CTSB: variants seen among roughly 807,000 people sequenced by gnomAD.
The protein encoded by CTSB is cathepsin B, also known as APP secretase.
Under a neutral mutation model 44.3 loss-of-function variants are expected in CTSB, and 57 were observed. The ratio of observed to expected loss-of-function variants is 1.29; its 90% confidence interval spans 1.04 to 1.60. The LOEUF is 1.60. Among genes scored for constraint, CTSB ranks in the 40% most tolerant of loss-of-function variants. The pLI, the probability that CTSB is intolerant of heterozygous loss-of-function variation, is 0.00. For synonymous variants in CTSB, 320 were observed against 168.0 expected, an observed-to-expected ratio of 1.91 and a Z score of -7.00; for missense variants, 768 against 443.0, an observed-to-expected ratio of 1.73 and a Z score of -6.59.
At chr8:11,852,794 C>G (rs1006608347) in intron 2 of CTSB, 99 bp from the exon 3 acceptor site, 226 of 1,060,792 alleles carry the variant, frequency 2.1e-4, no homozygotes, top group Middle Eastern at 6.1e-4. Flanking sequence ...AACCAGAGAC[C>G]CTACCCAATT....
intron 1 of CTSB, among the ~76,000 whole-genome samples, chr8:11,857,215 G>A (rs756566344): frequency 2.6e-5 from 4 of 152,100 alleles, no homozygotes; most frequent in South Asian, 2.1e-4. Context: ...TCCGTGTTTC[G>A]TTATGTTGGC....
chr8:11,850,606 C>T, intron 4 of CTSB: 1 of 332,086 alleles, frequency 3.0e-6, no homozygotes, highest in East Asian at 4.9e-5. Context: ...GACGGGCCAG[C>T]ATGTCAGGGA....
rs577703408 is a variant in CTSB, at chr8:11,847,101, G to A, written c.744C>T (p.Pro248=). Residue 248 remains proline (P), a synonymous_variant, in exon 8 of 10, where the codon CCC becomes CCT. Transcript: ENST00000353047. ...DIMAEIYKNG[P]VEGAFSVYSD... The stretch of plus-strand genomic sequence containing the variant: ...AATACACAGAGAAAGCTCCCTCCAC[G>A]GGGCCGTTTTTGTAGATCTCGGCCA... The A allele has an allele frequency of 3.9e-5, 63 of 1,604,238 alleles. No individual in the cohort carries two copies. Among genetic ancestry groups the A allele is most frequent in the Admixed American group, 2.5e-4 (15 of 59,682 alleles).
At position 11,850,322 on chromosome 8, in the gene CTSB, G is replaced by C. The variant is rs769098243; in HGVS notation, c.327+544C>G. 2.8e-4 allele frequency among the ~76,000 whole-genome samples: 42 copies of C among 150,280 alleles called. 1 individual carries two copies. Among genetic ancestry groups the C allele is most frequent in the Non-Finnish European group, 5.9e-4 (40 of 67,776 alleles). ...TAGTCTTAGCTACTGGGGAGACTGA[G>C]GCAGGAGAATTGCTTGAACCCAGGA... On this transcript the variant is annotated intron_variant, in intron 4 of 9. Transcript: ENST00000353047.
chr8:11,844,833 G>T lies in CTSB; in HGVS notation c.*292C>A, dbSNP rs530960811. Reference sequence around the variant, plus strand: ...TCTGTCTTGCTCCCTGGAGATGGATGGATCACGGAGGGGGCCACAGTCAGC... The same window carrying T: ...TCTGTCTTGCTCCCTGGAGATGGATTGATCACGGAGGGGGCCACAGTCAGC... On this transcript the variant is annotated 3_prime_UTR_variant, in exon 10 of 10. Transcript: ENST00000353047. 21 of 368,620 alleles carry T rather than the reference G, an allele frequency of 5.7e-5. No homozygotes were observed. The Middle Eastern group carries it at 2.2e-3, about 39-fold the overall frequency. 22.8% of individuals were successfully genotyped at this position (368,620 alleles called of 1,614,324 possible). A position where few individuals can be genotyped will look rare whatever the true frequency, so the allele number is the denominator to read the frequency against.
intron 1 of CTSB, among the ~76,000 whole-genome samples, chr8:11,854,033 A>C (rs1815085195): frequency 6.6e-6 from 1 of 152,146 alleles, no homozygotes; most frequent in African/African-American, 2.4e-5. Flanking sequence ...CAGTCAGCCA[A>C]GGGCTCTGCT....
chr8:11,847,961 C>G (rs1047492075), intron 6 of CTSB, 106 bp downstream of exon 6: 2 of 1,329,268 alleles, frequency 1.5e-6, no homozygotes, highest in East Asian at 4.6e-5. Flanking sequence ...CACCTCTCAG[C>G]AGCCCCTCTG....
chr8:11,848,140 G>C lies in CTSB; in HGVS notation c.459C>G (p.Gly153=), dbSNP rs1405643130. 6.2e-6 allele frequency: 10 copies of C among 1,613,932 alleles called. No individual in the cohort carries two copies. Among genetic ancestry groups the C allele is most frequent in the Middle Eastern group, 3.3e-4 (2 of 6,082 alleles). The change falls in exon 6 of 10, where the codon GGC becomes GGG. Residue 153 remains glycine (G), a synonymous_variant. Transcript: ENST00000353047. ...GSMCGDGCNG[G]YPAEAWNFWT... is the part of the protein sequence containing the mutation. Reference sequence around the variant, plus strand: ...AGAAGTTCCAAGCTTCAGCAGGATAGCCACCATTACAGCTGAAAAGACAGC... The same window carrying C: ...AGAAGTTCCAAGCTTCAGCAGGATACCCACCATTACAGCTGAAAAGACAGC...
chr8:11,859,320 AG>A (rs1816011787), intron 1 of CTSB, among the ~76,000 whole-genome samples: 1 of 152,134 alleles, frequency 6.6e-6, no homozygotes, highest in Non-Finnish European at 1.5e-5. Flanking sequence ...ACTACCTTGA[AG>A]CCGTTTCCAG....
intron 1 of CTSB, among the ~76,000 whole-genome samples, chr8:11,865,788 T>C (rs147896573): frequency 1.3e-5 from 2 of 150,130 alleles, no homozygotes; most frequent in African/African-American, 2.5e-5. Context: ...GGCGGATCAC[T>C]TGAGATCAGG....
At chr8:11,854,220 A>AGGGCTGGGGAGAGCCGCGGCGCGGG (rs1815120122) in intron 1 of CTSB, among the ~76,000 whole-genome samples, 1 of 152,148 alleles carries the variant, frequency 6.6e-6, no homozygotes, top group Admixed American at 6.5e-5. Context: ...GCCTGCATCC[A>AGGGCTGGGGAGAGCCGCGGCGCGGG]GGGCTGGGGA....
At chr8:11,861,946 G>A (rs776942666) in intron 1 of CTSB, among the ~76,000 whole-genome samples, 1 of 151,914 alleles carries the variant, frequency 6.6e-6, no homozygotes, top group Non-Finnish European at 1.5e-5. Context: ...GCTGGCTCAC[G>A]CCTGTAATCC....
intron 3 of CTSB, 118 bp from the exon 4 acceptor site, chr8:11,851,098 C>T: frequency 3.4e-6 from 2 of 590,184 alleles, no homozygotes; most frequent in Admixed American, 2.7e-5. Context: ...ACAAGACATG[C>T]CGAAGAAGGC....
Position 11,844,122 on chromosome 8 carries a change from G to C in CTSB, c.*1003C>G, listed in dbSNP as rs549552949. 6.6e-6 allele frequency: 1 copy of C among 152,372 alleles called. No individual in the cohort carries two copies. Among genetic ancestry groups the C allele is most frequent in the East Asian group, 1.9e-4 (1 of 5,188 alleles). The allele number at this position is 152,372 out of a possible 1,614,324, so 9.4% of individuals were successfully genotyped here. On this transcript the variant is annotated 3_prime_UTR_variant, in exon 10 of 10. Coordinates refer to ENST00000353047, the MANE Select transcript of CTSB (RefSeq NM_001908.5). Reference sequence around the variant, plus strand: ...CCAGGCACTTACAGAGAAGGTTGACGAGGATGACAGGGAACTAATTGGGGG... The same window carrying C: ...CCAGGCACTTACAGAGAAGGTTGACCAGGATGACAGGGAACTAATTGGGGG...
At chr8:11,852,561 C>G in intron 3 of CTSB, 49 bp downstream of exon 3, 1 of 1,520,788 alleles carries the variant, frequency 6.6e-7, no homozygotes, top group Non-Finnish European at 9.0e-7. Flanking sequence ...CTGCCCCAAA[C>G]CAACGCCTGC....
chr8:11,862,839 G>A (rs1816629129), intron 1 of CTSB, among the ~76,000 whole-genome samples: 1 of 152,220 alleles, frequency 6.6e-6, no homozygotes, highest in African/African-American at 2.4e-5. Flanking sequence ...CTTCTACAGG[G>A]CTCTCTACTG....
At chr8:11,848,623 G>C (rs1376142133) in intron 5 of CTSB, 2 of 307,876 alleles carry the variant, frequency 6.5e-6, no homozygotes, top group African/African-American at 2.2e-5. Context: ...CGCTACTGCG[G>C]AACCAAGGCG....
Position 11,856,366 on chromosome 8 carries a change from G to A in CTSB, c.-25-2887C>T, listed in dbSNP as rs368532715. 3.9e-5 allele frequency among the ~76,000 whole-genome samples: 6 copies of A among 152,246 alleles called. 1 individual carries two copies. Among genetic ancestry groups the A allele is most frequent in the Non-Finnish European group, 7.4e-5 (5 of 68,020 alleles). On this transcript the variant is annotated intron_variant, in intron 1 of 9. Transcript: ENST00000353047. ...CAATTAGTTGGTGGGGCACGGTGGC[G>A]CATGCCTGTAGCCGAGGCGGTTGGA...
chr8:11,855,805 G>T (rs1296643586), intron 1 of CTSB, among the ~76,000 whole-genome samples: 1 of 152,048 alleles, frequency 6.6e-6, no homozygotes, highest in South Asian at 2.1e-4. Context: ...ATCGCCTGAG[G>T]TCAGGAGTTT....
Sources: gnomAD v4.1 joint callset for allele counts (sites outside exome capture counted in the v4.1 genomes callset) on GRCh38, gnomAD v4.1.1 for gene constraint, MANE v1.5 for transcripts, NCBI Gene and HGNC (gene_info 2026-07-23, HGNC 2026-07-21) for gene names.